Variants in SENP5 observed in about 807,000 individuals in gnomAD.
SENP5 encodes the protein SUMO specific peptidase 5, also known as sentrin-specific protease 5.
SENP5 carries 21 observed loss-of-function variants against 74.2 expected under a neutral mutation model. The observed-to-expected ratio is 0.28, with a 90% CI of 0.20 to 0.41. The LOEUF (loss-of-function observed/expected upper bound fraction) is 0.41. SENP5 is among the 10% of genes least tolerant of loss of function. The pLI is 1.00. For missense variants in SENP5, 717 were observed against 889.1 expected (o/e 0.81, Z 2.46); for synonymous variants, 311 against 312.7 (o/e 0.99, Z 0.06).
Position 196,886,410 on chromosome 3 carries a change from G to T in SENP5, c.1229G>T (p.Arg410Ile). Reference sequence around the variant, plus strand: ...CAGACAAGTTCTGTCAGTGATGACAGAGTAAAACTGTCAGTGTCTGGAGCA... The same window carrying T: ...CAGACAAGTTCTGTCAGTGATGACATAGTAAAACTGTCAGTGTCTGGAGCA... Reference protein sequence around the residue: ...ENQTSSVSDDRVKLSVSGADT... With the variant: ...ENQTSSVSDDIVKLSVSGADT... The change falls in exon 2 of 10, where the codon AGA becomes ATA. Residue 410 changes from arginine to isoleucine, a missense_variant. Transcript: ENST00000323460. 1 of 1,612,144 alleles carries T rather than the reference G, an allele frequency of 6.2e-7. No homozygotes were observed.
rs780461245 is a variant in SENP5 at position 196,886,429 on chromosome 3, T to C, written c.1248T>C (p.Ser416=). 5.0e-6 allele frequency: 8 copies of C among 1,611,058 alleles called. No homozygotes were observed. Among genetic ancestry groups the C allele is most frequent in the Non-Finnish European group, 6.8e-6 (8 of 1,178,044 alleles). The part of the protein sequence containing the change: ...VSDDRVKLSV[S]GADTSVSSVD... ...ATGACAGAGTAAAACTGTCAGTGTC[T>C]GGAGCAGATACATCTGTGAGTAGCG... is the stretch of plus-strand genomic sequence containing the variant. The change falls in exon 2 of 10, where the codon TCT becomes TCC. Residue 416 remains serine, a synonymous_variant. Transcript: ENST00000323460.
chr3:196,884,327 C>CACA (rs1713854562), intron 1 of SENP5, among the ~76,000 whole-genome samples: 2 of 152,300 alleles, frequency 1.3e-5, no homozygotes, highest in South Asian at 4.1e-4. Flanking sequence ...AAAGAACCAA[C>CACA]ACAAGCATAC....
In SENP5 at chr3:196,885,911, A is replaced by G; in HGVS notation, c.730A>G (p.Arg244Gly). Residue 244 changes from arginine to glycine, a missense_variant, in exon 2 of 10, where the codon AGG becomes GGG. By Grantham distance (125) the Arg-to-Gly change is moderately radical. Around this residue, in one of 4 missense-constraint regions of SENP5, gnomAD observed 567 missense variants for 577.4 expected, o/e 0.98. Transcript: ENST00000323460. ...EKLSMIRFRY[R>G]ILRSQHFRTK... ...ATTATCCATGATTAGATTTCGGTAC[A>G]GGATTCTCAGATCCCAGCACTTCAG... 1.2e-6 allele frequency: 2 copies of G among 1,613,918 alleles called. No homozygotes were observed. Among genetic ancestry groups the G allele is most frequent in the Non-Finnish European group, 1.7e-6 (2 of 1,180,010 alleles).
chr3:196,930,776 T>G, intron 9 of SENP5, 37 bp from the exon 10 acceptor site: 1 of 1,242,496 alleles, frequency 8.0e-7, no homozygotes, highest in Non-Finnish European at 1.2e-6. Context: ...CAACTCCAAG[T>G]GCCACTGAAG....
rs1713974932 is a variant in SENP5 at position 196,886,361 on chromosome 3, A to G, written c.1180A>G (p.Ile394Val). Residue 394 changes from isoleucine to valine, a missense_variant, in exon 2 of 10, where the codon ATT becomes GTT. Physicochemically the swap from Ile to Val is conservative, Grantham distance 29. Transcript: ENST00000323460. ...TMFISETERE[I>V]MTLGQENQTS... is the part of the protein sequence containing the mutation. ...GTTCATTTCAGAAACTGAAAGAGAA[A>G]TTATGACTCTGGGTCAGGAAAATCA... is the stretch of plus-strand genomic sequence containing the variant. 6.2e-7 allele frequency: 1 copy of G among 1,613,414 alleles called. No individual in the cohort carries two copies. Among genetic ancestry groups the G allele is most frequent in the African/African-American group, 1.3e-5 (1 of 75,034 alleles).
intron 6 of SENP5, among the ~76,000 whole-genome samples, chr3:196,919,253 G>T (rs1213883207): frequency 2.0e-5 from 3 of 152,196 alleles, no homozygotes; most frequent in Non-Finnish European, 4.4e-5. Context: ...GACTGAAGTG[G>T]GTGGATTACT....
chr3:196,928,861 C>T (rs550594181), intron 8 of SENP5, among the ~76,000 whole-genome samples: 5 of 152,094 alleles, frequency 3.3e-5, no homozygotes, highest in South Asian at 2.1e-4. Flanking sequence ...TCTGTATTAC[C>T]GCTTTGAGCA....
chr3:196,892,602 A>G (rs956675798), intron 2 of SENP5, among the ~76,000 whole-genome samples: 2 of 152,190 alleles, frequency 1.3e-5, no homozygotes, highest in African/African-American at 4.8e-5. Flanking sequence ...ATCTATTTTC[A>G]AGACACAGTA....
intron 6 of SENP5, among the ~76,000 whole-genome samples, chr3:196,906,146 G>A (rs1714893001): frequency 6.6e-6 from 1 of 152,128 alleles, no homozygotes; most frequent in South Asian, 2.1e-4. Flanking sequence ...TTTGAACCCA[G>A]GAGGTGGAGG....
intron 6 of SENP5, among the ~76,000 whole-genome samples, chr3:196,909,117 G>A (rs1157802926): frequency 6.6e-6 from 1 of 152,098 alleles, no homozygotes. Context: ...ATTACTATCA[G>A]AGAATACTAT....
intron 2 of SENP5, among the ~76,000 whole-genome samples, chr3:196,887,885 A>G (rs1253119356): frequency 6.6e-6 from 1 of 152,036 alleles, no homozygotes; most frequent in Admixed American, 6.6e-5. Context: ...CTCCTGCCTC[A>G]GCCTCCCAAG....
chr3:196,917,917 A>G (rs1715448603), intron 6 of SENP5, among the ~76,000 whole-genome samples: 2 of 152,218 alleles, frequency 1.3e-5, no homozygotes, highest in Admixed American at 1.3e-4. Flanking sequence ...ATGGCTTGAC[A>G]CACTAATTGC....
chr3:196,929,804 T>C (rs1577852551), intron 9 of SENP5, 121 bp downstream of exon 9: 2 of 704,702 alleles, frequency 2.8e-6, no homozygotes, highest in Admixed American at 5.4e-5. Context: ...CGGAGTACTT[T>C]CCCTCCCCTT....
At chr3:196,927,726 C>A in intron 7 of SENP5, 70 bp from the exon 8 acceptor site, 3 of 868,334 alleles carry the variant, frequency 3.5e-6, no homozygotes, top group Non-Finnish European at 3.9e-6. Context: ...CTTCTGTCTG[C>A]TATGGGCATG....
intron 5 of SENP5, among the ~76,000 whole-genome samples, chr3:196,903,314 A>G (rs944291368): frequency 1.3e-5 from 2 of 151,964 alleles, no homozygotes; most frequent in Non-Finnish European, 2.9e-5. Context: ...TAATTTTTGT[A>G]TTTTTAGGAG....
chr3:196,903,001 G>A (rs1262873793), intron 5 of SENP5, among the ~76,000 whole-genome samples: 1 of 152,052 alleles, frequency 6.6e-6, no homozygotes, highest in Admixed American at 6.6e-5. Flanking sequence ...TTCTCTACTT[G>A]ATTGGATTCA....
chr3:196,903,565 G>C lies in SENP5; in HGVS notation c.1839G>C (p.Gln613His). 6.2e-7 allele frequency: 1 copy of C among 1,609,266 alleles called. No individual in the cohort carries two copies. The highest frequency in any genetic ancestry group is 8.5e-7 in the Non-Finnish European group (1 of 1,178,202). ...TCTTCAACAGCTTTTTTCATAGACA[G>C]CTGGTAACCAAAGGATATAATGGAG... ...VHFFNSFFHRQLVTKGYNGVK... is the reference protein window; with the variant it reads ...VHFFNSFFHRHLVTKGYNGVK... The change falls in exon 6 of 10, where the codon CAG becomes CAC. Residue 613 changes from glutamine (Q) to histidine (H), a missense_variant. Coordinates refer to ENST00000323460, the MANE Select transcript of SENP5 (RefSeq NM_152699.5).
chr3:196,902,418 C>G (rs1383226014), intron 5 of SENP5, among the ~76,000 whole-genome samples: 2 of 152,188 alleles, frequency 1.3e-5, no homozygotes, highest in African/African-American at 4.8e-5. Context: ...AAGTGTGAGC[C>G]ACTATGTCTG....
rs773485690 is a variant in SENP5 at position 196,930,780 on chromosome 3, A to G, written c.2158-33A>G. ...GGGCTGGTCCACAACTCCAAGTGCCACTGAAGTGTTTCTGGGACCTTTTTT... is the reference window on the plus strand; with the variant it reads ...GGGCTGGTCCACAACTCCAAGTGCCGCTGAAGTGTTTCTGGGACCTTTTTT... On this transcript the variant is annotated intron_variant, in intron 9 of 9. Coordinates refer to ENST00000323460, the MANE Select transcript of SENP5 (RefSeq NM_152699.5). The G allele has an allele frequency of 4.7e-6, 6 of 1,280,238 alleles. No individual in the cohort carries two copies. The African/African-American group carries it at 9.2e-5, about 20-fold the overall frequency. 79.3% of individuals were successfully genotyped at this position (1,280,238 alleles called of 1,614,324 possible).
Sources: gnomAD v4.1 joint callset for allele counts (sites outside exome capture counted in the v4.1 genomes callset) on GRCh38, gnomAD v4.1.1 for gene constraint, gnomAD v4.1.1 regional missense constraint, MANE v1.5 for transcripts, NCBI Gene and HGNC (gene_info 2026-07-23, HGNC 2026-07-21) for gene names.